The following FAT4 variants were observed in gnomAD, a reference collection of about 807,000 sequenced individuals.
FAT4 encodes protocadherin Fat 4.
In FAT4, 84 loss-of-function variants were observed where a neutral mutation model predicts 303.9. The ratio of observed to expected loss-of-function variants is 0.28; its 90% CI spans 0.23 to 0.33. The LOEUF (loss-of-function observed/expected upper bound fraction) is 0.33. Ranked by LOEUF, FAT4 falls within the 10% of genes least tolerant of loss-of-function variation. The pLI, the probability that FAT4 is intolerant of heterozygous loss-of-function variation, is 1.00. For missense variants in FAT4, 6,005 were observed against 6,146.8 expected (o/e 0.98, Z 0.77); for synonymous variants, 2,307 against 2,298.8 (o/e 1.00, Z -0.10).
At chr4:125,370,222 A>G (rs940227583) in intron 2 of FAT4, among the ~76,000 whole-genome samples, 46 of 152,218 alleles carry the variant, frequency 3.0e-4, no homozygotes, top group African/African-American at 1.1e-3. Flanking sequence ...ATTTCATATC[A>G]TTGTTATAGC....
At chr4:125,343,210 C>G (rs1302627500) in intron 2 of FAT4, among the ~76,000 whole-genome samples, 1 of 152,058 alleles carries the variant, frequency 6.6e-6, no homozygotes, top group African/African-American at 2.4e-5. Context: ...CTGCTCTTGT[C>G]CATAAAGATA....
At chr4:125,482,994 G>A (rs1468520094) in intron 16 of FAT4, among the ~76,000 whole-genome samples, 1 of 152,138 alleles carries the variant, frequency 6.6e-6, no homozygotes, top group Non-Finnish European at 1.5e-5. Context: ...GTTAGGAGTT[G>A]GGAGAGTACT....
intron 2 of FAT4, among the ~76,000 whole-genome samples, chr4:125,343,588 A>T (rs1731883160): frequency 6.6e-6 from 1 of 152,128 alleles, no homozygotes; most frequent in African/African-American, 2.4e-5. Context: ...CATTTTTAAA[A>T]CTCTGAGTTC....
intron 9 of FAT4, 97 bp from the exon 10 acceptor site, chr4:125,448,364 A>T: frequency 8.9e-7 from 1 of 1,128,178 alleles, no homozygotes; most frequent in Non-Finnish European, 1.3e-6. Flanking sequence ...ATAAGGTCAC[A>T]TCAAGCAGCA....
chr4:125,319,393 A>G lies in FAT4; in HGVS notation c.2982A>G (p.Pro994=). The G allele has an allele frequency of 6.2e-7, 1 of 1,613,362 alleles. No individual in the cohort carries two copies. Among genetic ancestry groups the G allele is most frequent in the Non-Finnish European group, 8.5e-7 (1 of 1,179,752 alleles). The change falls in exon 2 of 18, where the codon CCA becomes CCG. Residue 994 remains proline (P), a synonymous_variant. Transcript: ENST00000394329. ...VYVHDVNDNS[P]VFDQLSYEVT... Reference sequence around the variant, plus strand: ...TCCATGATGTAAATGACAATTCACCAGTGTTTGACCAACTCTCTTATGAAG... The same window carrying G: ...TCCATGATGTAAATGACAATTCACCGGTGTTTGACCAACTCTCTTATGAAG...
chr4:125,473,311 T>G (rs944752967), intron 12 of FAT4, among the ~76,000 whole-genome samples: 2 of 152,048 alleles, frequency 1.3e-5, no homozygotes, highest in Non-Finnish European at 2.9e-5. Context: ...ACATTATGAG[T>G]AGTGCCTAAA....
At position 125,476,231 on chromosome 4, in the gene FAT4, A is replaced by G. The variant is rs1326543871; in HGVS notation, c.12274A>G (p.Ser4092Gly). The G allele has an allele frequency of 2.5e-6, 4 of 1,595,330 alleles. No individual in the cohort carries two copies. The Admixed American group carries it at 5.0e-5, about 20-fold the overall frequency. The change falls in exon 13 of 18, where the codon AGT (serine) becomes GGT (glycine). Residue 4092 changes from serine (S) to glycine (G), a missense_variant. Physicochemically the swap from Ser to Gly is moderately conservative, Grantham distance 56. Coordinates refer to ENST00000394329, the MANE Select transcript of FAT4 (RefSeq NM_001291303.3). ...ENQEPGYCTV[S>G]NVAVSDDWTL... is the part of the protein sequence containing the mutation. ...CCAAGAGCCAGGATATTGTACTGTC[A>G]GTAATGTGGCAGTTTCAGATGACTG...
intron 11 of FAT4, among the ~76,000 whole-genome samples, chr4:125,465,685 G>T (rs186185898): frequency 7.4e-4 from 112 of 152,206 alleles, no homozygotes; most frequent in Admixed American, 2.3e-3. Flanking sequence ...TGTAGACATC[G>T]CCAGGGGAAG....
intron 2 of FAT4, among the ~76,000 whole-genome samples, chr4:125,354,886 A>G (rs1732368876): frequency 6.6e-6 from 1 of 151,772 alleles, no homozygotes; most frequent in Non-Finnish European, 1.5e-5. Context: ...TACTCCTAGT[A>G]TGGTTTCTGA....
At position 125,366,449 on chromosome 4, in the gene FAT4, G is replaced by A. The variant is rs1018016298; in HGVS notation, c.5176-32335G>A. Among the ~76,000 whole-genome samples, 17 of 152,208 alleles carry A rather than the reference G, an allele frequency of 1.1e-4. 1 individual carries two copies. The highest frequency in any genetic ancestry group is 1.0e-3 in the South Asian group (5 of 4,818). On this transcript the variant is annotated intron_variant, in intron 2 of 17. Coordinates refer to ENST00000394329, the MANE Select transcript of FAT4 (RefSeq NM_001291303.3). ...ATGATCTTGTTCTTTTAATGGCTGC[G>A]TAGTATTCCATGGTGTGTATGTACT... is the stretch of plus-strand genomic sequence containing the variant.
At chr4:125,361,387 A>C (rs1732661620) in intron 2 of FAT4, among the ~76,000 whole-genome samples, 1 of 152,156 alleles carries the variant, frequency 6.6e-6, no homozygotes. Context: ...AGGGAGTGAG[A>C]TGGCATGTGA....
rs763079737 is a variant in FAT4 at position 125,476,274 on chromosome 4, T to C, written c.12299+18T>C. 2.1e-6 allele frequency: 3 copies of C among 1,423,738 alleles called. No individual in the cohort carries two copies. Among genetic ancestry groups the C allele is most frequent in the Admixed American group, 4.1e-5 (2 of 49,104 alleles). 88.2% of individuals were successfully genotyped at this position (1,423,738 alleles called of 1,614,324 possible). A position where few individuals can be genotyped will look rare whatever the true frequency, so the allele number is the denominator to read the frequency against. On this transcript the variant is annotated intron_variant, in intron 13 of 17. Coordinates refer to ENST00000394329, the MANE Select transcript of FAT4 (RefSeq NM_001291303.3). ...GATGACTGGTAAGGAATAGGATTAG[T>C]TTAATTTTTATTATTACTTAAAATT... is the stretch of plus-strand genomic sequence containing the variant.
At chr4:125,358,789 C>T (rs888054555) in intron 2 of FAT4, among the ~76,000 whole-genome samples, 5 of 152,118 alleles carry the variant, frequency 3.3e-5, no homozygotes, top group East Asian at 1.9e-4. Context: ...TCTACATCCA[C>T]GTTTTCTATG....
intron 10 of FAT4, among the ~76,000 whole-genome samples, chr4:125,455,507 T>G (rs1365943396): frequency 6.6e-6 from 1 of 152,208 alleles, no homozygotes; most frequent in Non-Finnish European, 1.5e-5. Context: ...TACATTTAGT[T>G]CTTACAACTC....
Position 125,451,173 on chromosome 4 carries a change from T to G in FAT4, c.10163T>G (p.Ile3388Arg), listed in dbSNP as rs374893583. Residue 3388 changes from isoleucine to arginine, a missense_variant, in exon 10 of 18, where the codon ATA (isoleucine) becomes AGA (arginine). Transcript: ENST00000394329. ...TTTGGCAGCATTAGAGGTGCAGATA[T>G]AGATGAGGTCACTGTAAATGTCACC... Reference protein sequence around the residue: ...KNFGSIRGADIDEVTVNVTVL... With the variant: ...KNFGSIRGADRDEVTVNVTVL... 6.2e-7 allele frequency: 1 copy of G among 1,614,112 alleles called. No individual in the cohort carries two copies. The highest frequency in any genetic ancestry group is 1.7e-5 in the Admixed American group (1 of 60,016).
chr4:125,365,662 G>A (rs1732851571), intron 2 of FAT4, among the ~76,000 whole-genome samples: 1 of 152,150 alleles, frequency 6.6e-6, no homozygotes, highest in South Asian at 2.1e-4. Context: ...AAGATCATTA[G>A]CTGTAGGAAA....
At chr4:125,439,574 C>T (rs936856176) in intron 8 of FAT4, among the ~76,000 whole-genome samples, 1 of 151,762 alleles carries the variant, frequency 6.6e-6, no homozygotes, top group African/African-American at 2.4e-5. Flanking sequence ...CTTCTGATCT[C>T]GTGATCTGCC....
At chr4:125,378,970 G>A (rs1433544711) in intron 2 of FAT4, among the ~76,000 whole-genome samples, 2 of 151,850 alleles carry the variant, frequency 1.3e-5, no homozygotes, top group Non-Finnish European at 2.9e-5. Context: ...GGTTGCCTTG[G>A]AGAGTTCATT....
At chr4:125,399,247 C>G (rs1475445315) in intron 3 of FAT4, among the ~76,000 whole-genome samples, 8 of 151,880 alleles carry the variant, frequency 5.3e-5, no homozygotes, top group Non-Finnish European at 1.2e-4. Context: ...TATCTTATAG[C>G]AGCTAAGGAT....
Sources: gnomAD v4.1 joint callset for allele counts (sites outside exome capture counted in the v4.1 genomes callset) on GRCh38, gnomAD v4.1.1 for gene constraint, MANE v1.5 for transcripts, NCBI Gene and HGNC (gene_info 2026-07-23, HGNC 2026-07-21) for gene names.